MTUS2: variants seen among roughly 807,000 people sequenced by gnomAD.
MTUS2 encodes the protein microtubule associated scaffold protein 2.
In MTUS2, 40 loss-of-function variants were observed where a neutral mutation model predicts 114.1. The ratio of observed to expected loss-of-function variants is 0.35; its 90% CI spans 0.27 to 0.46. The LOEUF is 0.46. MTUS2 is among the 20% of genes least tolerant of loss of function. The pLI is 1.00. For synonymous variants in MTUS2, 688 were observed against 672.0 expected, an observed-to-expected ratio of 1.02 and a Z score of -0.37; for missense variants, 1,679 against 1,705.4, an observed-to-expected ratio of 0.98 and a Z score of 0.27.
chr13:29,173,308 A>G (rs1893638100), intron 5 of MTUS2, among the ~76,000 whole-genome samples: 1 of 152,124 alleles, frequency 6.6e-6, no homozygotes, highest in Middle Eastern at 3.2e-3. Context: ...CATGAGGCCA[A>G]AAGTGCTTGT....
intron 7 of MTUS2, among the ~76,000 whole-genome samples, chr13:29,346,042 C>T (rs538616980): frequency 6.6e-6 from 1 of 152,196 alleles, no homozygotes; most frequent in Non-Finnish European, 1.5e-5. Context: ...GTAACGAGCA[C>T]CTCCTCCAGT....
chr13:29,145,564 A>G (rs1216325645), intron 5 of MTUS2, among the ~76,000 whole-genome samples: 2 of 152,178 alleles, frequency 1.3e-5, no homozygotes, highest in Admixed American at 1.3e-4. Context: ...TATAAGACCA[A>G]GGCCATTTCC....
rs558148383 is a variant in MTUS2 at position 29,504,501 on chromosome 13, C to T, written c.*1295C>T. 1.7e-5 allele frequency: 4 copies of T among 232,638 alleles called. No individual in the cohort carries two copies. The highest frequency in any genetic ancestry group is 1.8e-4 in the South Asian group (1 of 5,486). The allele number at this position is 232,638 out of a possible 1,614,324, so 14.4% of individuals were successfully genotyped here. On this transcript the variant is annotated 3_prime_UTR_variant, in exon 16 of 16. Transcript: ENST00000612955. The stretch of plus-strand genomic sequence containing the variant: ...CACTTCCTGCTGGATGATCAGGCAA[C>T]GCTGCTGCTGACCGTGCTCCCATCT...
intron 5 of MTUS2, among the ~76,000 whole-genome samples, chr13:29,163,947 C>G (rs1291163170): frequency 1.3e-5 from 2 of 152,132 alleles, no homozygotes. Context: ...CCTTGCTTGC[C>G]CACAGCTCGA....
At chr13:29,190,936 A>G (rs1894421436) in intron 5 of MTUS2, among the ~76,000 whole-genome samples, 1 of 152,146 alleles carries the variant, frequency 6.6e-6, no homozygotes, top group South Asian at 2.1e-4. Flanking sequence ...TACCCTGAGA[A>G]GATGCCATAC....
intron 7 of MTUS2, among the ~76,000 whole-genome samples, chr13:29,351,787 T>A (rs900873750): frequency 9.4e-4 from 143 of 151,588 alleles, no homozygotes; most frequent in East Asian, 4.7e-3. Flanking sequence ...TATTTTTTTT[T>A]TTTTTTTTGT....
chr13:28,953,858 TAGAC>T (rs1309895182), intron 2 of MTUS2, among the ~76,000 whole-genome samples: 2 of 152,178 alleles, frequency 1.3e-5, no homozygotes, highest in African/African-American at 2.4e-5. Flanking sequence ...TTGTTCCAAA[TAGAC>T]AGCCAAAGGT....
intron 8 of MTUS2, among the ~76,000 whole-genome samples, chr13:29,421,879 G>A (rs1004259486): frequency 6.6e-6 from 1 of 152,160 alleles, no homozygotes; most frequent in Non-Finnish European, 1.5e-5. Flanking sequence ...CGGAGGGCAG[G>A]GGAGGGAAAG....
chr13:29,162,567 T>A (rs1340911672), intron 5 of MTUS2, among the ~76,000 whole-genome samples: 1 of 152,206 alleles, frequency 6.6e-6, no homozygotes, highest in Admixed American at 6.5e-5. Flanking sequence ...TTTGAACAGA[T>A]AGACAAATAC....
At chr13:29,244,784 G>T (rs1037740055) in intron 5 of MTUS2, among the ~76,000 whole-genome samples, 1 of 150,586 alleles carries the variant, frequency 6.6e-6, no homozygotes, top group Non-Finnish European at 1.5e-5. Context: ...GTGAAACCCC[G>T]TCTCTACTAA....
At chr13:29,437,907 C>T (rs985816773) in intron 8 of MTUS2, among the ~76,000 whole-genome samples, 1 of 150,430 alleles carries the variant, frequency 6.6e-6, no homozygotes, top group Non-Finnish European at 1.5e-5. Flanking sequence ...ATGATTACAC[C>T]ACTGCATTCC....
At chr13:29,341,783 T>G (rs1901415392) in intron 7 of MTUS2, among the ~76,000 whole-genome samples, 1 of 152,042 alleles carries the variant, frequency 6.6e-6, no homozygotes, top group African/African-American at 2.4e-5. Flanking sequence ...CTTTAATTTT[T>G]GTAGATTTAA....
chr13:29,360,352 C>T (rs548822614), intron 8 of MTUS2, among the ~76,000 whole-genome samples: 4 of 152,288 alleles, frequency 2.6e-5, no homozygotes, highest in African/African-American at 9.6e-5. Context: ...TGTGAAGTGG[C>T]TCCATGTCCC....
intron 5 of MTUS2, among the ~76,000 whole-genome samples, chr13:29,179,710 G>A (rs964941789): frequency 6.6e-6 from 1 of 152,208 alleles, no homozygotes; most frequent in Non-Finnish European, 1.5e-5. Flanking sequence ...TACATTTGGT[G>A]TGCAACATTA....
At chr13:28,950,868 G>A (rs1882776341) in intron 2 of MTUS2, among the ~76,000 whole-genome samples, 1 of 152,150 alleles carries the variant, frequency 6.6e-6, no homozygotes, top group African/African-American at 2.4e-5. Flanking sequence ...TTAGAAAAAT[G>A]GCACCGATAG....
chr13:29,194,177 G>A (rs1001677618), intron 5 of MTUS2, among the ~76,000 whole-genome samples: 42 of 151,510 alleles, frequency 2.8e-4, no homozygotes, highest in African/African-American at 9.9e-4. Context: ...TCAGGACATA[G>A]GCATGGGCAA....
chr13:29,169,924 T>G (rs547728189), intron 5 of MTUS2, among the ~76,000 whole-genome samples: 1 of 152,190 alleles, frequency 6.6e-6, no homozygotes, highest in African/African-American at 2.4e-5. Flanking sequence ...CCCAAACCTG[T>G]CACCTCTGTT....
At chr13:29,308,794 A>ATAGTGTAG (rs1899606864) in intron 6 of MTUS2, among the ~76,000 whole-genome samples, 1 of 152,244 alleles carries the variant, frequency 6.6e-6, no homozygotes, top group Non-Finnish European at 1.5e-5. Context: ...ATATGAAAAA[A>ATAGTGTAG]ACCTCAACAT....
chr13:29,040,964 A>G (rs1020388484), intron 4 of MTUS2, among the ~76,000 whole-genome samples: 6 of 152,094 alleles, frequency 3.9e-5, no homozygotes, highest in African/African-American at 1.4e-4. Context: ...AGTTGAATTA[A>G]GTCCCAGCTA....
Sources: allele counts gnomAD v4.1 joint callset (sites outside exome capture counted in the v4.1 genomes callset), GRCh38; gene constraint gnomAD v4.1.1; transcripts MANE v1.5; gene names NCBI Gene and HGNC (gene_info 2026-07-23, HGNC 2026-07-21).